Variants in SGCD observed in about 807,000 individuals in gnomAD.
SGCD encodes the protein delta-sarcoglycan.
A neutral mutation model predicts 36.6 loss-of-function variants in SGCD; 18 were observed. The ratio of observed to expected loss-of-function variants is 0.49; its 90% CI spans 0.34 to 0.73. The LOEUF is 0.73. SGCD is among the 30% of genes least tolerant of loss of function. The pLI is 0.01. For missense variants in SGCD, 387 were observed against 346.7 expected, an observed-to-expected ratio of 1.12 and a Z score of -0.92; for synonymous variants, 133 against 130.6, an observed-to-expected ratio of 1.02 and a Z score of -0.12.
chr5:156,166,556 G>A (rs1350814777), intron 3 of SGCD, among the ~76,000 whole-genome samples: 2 of 152,108 alleles, frequency 1.3e-5, no homozygotes, highest in Non-Finnish European at 1.5e-5. Context: ...TCCTGACCTC[G>A]TGATCCGCCC....
At chr5:156,529,178 G>A (rs1251219756) in intron 4 of SGCD, among the ~76,000 whole-genome samples, 1 of 152,114 alleles carries the variant, frequency 6.6e-6, no homozygotes, top group East Asian at 1.9e-4. Flanking sequence ...TGTAATCCCA[G>A]CACTTTGGAA....
chr5:156,441,697 A>G (rs904372855), intron 3 of SGCD, among the ~76,000 whole-genome samples: 1 of 152,110 alleles, frequency 6.6e-6, no homozygotes, highest in African/African-American at 2.4e-5. Flanking sequence ...TTATAATGAG[A>G]CGTCTATTGG....
rs1342499539 is a variant in SGCD, at chr5:156,762,139, T to G, written c.*2749T>G. The G allele has an allele frequency of 6.6e-6, 1 of 152,606 alleles. No individual in the cohort carries two copies. Among genetic ancestry groups the G allele is most frequent in the Admixed American group, 6.5e-5 (1 of 15,280 alleles). 9.5% of individuals were successfully genotyped at this position (152,606 alleles called of 1,614,324 possible). On this transcript the variant is annotated 3_prime_UTR_variant, in exon 9 of 9. Coordinates refer to ENST00000337851, the MANE Select transcript of SGCD (RefSeq NM_000337.6). ...GGGAGCTTTTACATTAAAAATCTACTAACGCCTACTTTTTAAAAAATGAGA... is the reference window on the plus strand; with the variant it reads ...GGGAGCTTTTACATTAAAAATCTACGAACGCCTACTTTTTAAAAAATGAGA...
At chr5:155,990,161 T>C (rs1300866450) in intron 1 of SGCD, among the ~76,000 whole-genome samples, 1 of 152,190 alleles carries the variant, frequency 6.6e-6, no homozygotes, top group African/African-American at 2.4e-5. Flanking sequence ...TTGCAAGCTG[T>C]ACAATTGAGA....
chr5:156,172,719 T>C (rs1177730616), intron 3 of SGCD, among the ~76,000 whole-genome samples: 1 of 151,668 alleles, frequency 6.6e-6, no homozygotes. Flanking sequence ...CTGTGAATAA[T>C]CCTGCCAGCT....
At chr5:155,869,997 T>TCAACAA (rs34754949), upstream of SGCD, among the ~76,000 whole-genome samples, 22 of 151,068 alleles carry the variant, frequency 1.5e-4, no homozygotes, top group Admixed American at 2.0e-4. Context: ...AGACTCCGTC[T>TCAACAA]CAACAACAAC....
At chr5:155,991,484 T>C (rs1758431539) in intron 1 of SGCD, among the ~76,000 whole-genome samples, 1 of 152,126 alleles carries the variant, frequency 6.6e-6, no homozygotes, top group Non-Finnish European at 1.5e-5. Flanking sequence ...AATTGATGGC[T>C]GCCAAAAAGA....
intron 1 of SGCD, among the ~76,000 whole-genome samples, chr5:156,068,244 G>A (rs368577748): frequency 4.0e-5 from 6 of 151,630 alleles, no homozygotes; most frequent in African/African-American, 1.5e-4. Flanking sequence ...TTAGCATCAG[G>A]TATGTCTCCT....
intron 6 of SGCD, among the ~76,000 whole-genome samples, chr5:156,634,323 G>C (rs1451310399): frequency 6.6e-6 from 1 of 152,194 alleles, no homozygotes; most frequent in Non-Finnish European, 1.5e-5. Context: ...CTTAATTCCT[G>C]GGTGATGAGT....
chr5:156,153,097 C>A (rs1762868264), intron 3 of SGCD, among the ~76,000 whole-genome samples: 1 of 151,682 alleles, frequency 6.6e-6, no homozygotes, highest in Non-Finnish European at 1.5e-5. Flanking sequence ...AGCTAACTTG[C>A]TGTGTTGTCT....
the SGCD span, among the ~76,000 whole-genome samples, chr5:155,835,822 A>G: frequency 6.6e-6 from 1 of 152,152 alleles, no homozygotes; most frequent in East Asian, 1.9e-4. Context: ...GGAGTAAACA[A>G]TTTGTAAGTT....
intron 1 of SGCD, among the ~76,000 whole-genome samples, chr5:155,883,633 G>A (rs753172006): frequency 6.6e-6 from 1 of 151,668 alleles, no homozygotes; most frequent in Non-Finnish European, 1.5e-5. Flanking sequence ...CAAAGATCCC[G>A]GTCACAAGTC....
intron 1 of SGCD, among the ~76,000 whole-genome samples, chr5:155,989,794 C>G (rs1758397389): frequency 6.6e-6 from 1 of 152,182 alleles, no homozygotes; most frequent in South Asian, 2.1e-4. Context: ...TTCATCTGAT[C>G]AGCCACAACT....
intron 7 of SGCD, among the ~76,000 whole-genome samples, chr5:156,698,866 C>CAG (rs1396549904): frequency 6.6e-6 from 1 of 150,988 alleles, no homozygotes; most frequent in East Asian, 2.0e-4. Flanking sequence ...CACACACACA[C>CAG]ACACACACAC....
chr5:155,812,766 G>A, the SGCD span, among the ~76,000 whole-genome samples: 8,120 of 152,100 alleles, frequency 0.053, 488 homozygotes, highest in African/African-American at 0.15. Flanking sequence ...ATTATTTGGG[G>A]GTATTCACAA....
At chr5:156,008,819 C>G (rs1298702127) in intron 1 of SGCD, among the ~76,000 whole-genome samples, 1 of 152,198 alleles carries the variant, frequency 6.6e-6, no homozygotes, top group Non-Finnish European at 1.5e-5. Context: ...ATTAGGACCT[C>G]AATGTATCTT....
chr5:156,072,654 T>A (rs1186710438), intron 1 of SGCD, among the ~76,000 whole-genome samples: 1 of 152,196 alleles, frequency 6.6e-6, no homozygotes, highest in East Asian at 1.9e-4. Flanking sequence ...GTTCTCTGTA[T>A]TTCCTGAATC....
intron 7 of SGCD, among the ~76,000 whole-genome samples, chr5:156,692,053 A>C (rs1255339426): frequency 6.6e-6 from 1 of 152,186 alleles, no homozygotes; most frequent in East Asian, 1.9e-4. Context: ...GGTAACTTTC[A>C]TTTTCACATA....
intron 1 of SGCD, among the ~76,000 whole-genome samples, chr5:155,876,690 A>G (rs1755774913): frequency 1.3e-5 from 2 of 152,060 alleles, no homozygotes; most frequent in South Asian, 4.1e-4. Flanking sequence ...TCTCTATCAT[A>G]GTGTTTGTCT....
Sources: gnomAD v4.1 joint callset for allele counts (sites outside exome capture counted in the v4.1 genomes callset) on GRCh38, gnomAD v4.1.1 for gene constraint, MANE v1.5 for transcripts, NCBI Gene and HGNC (gene_info 2026-07-23, HGNC 2026-07-21) for gene names.